Variants in HECW1 observed in about 807,000 individuals in gnomAD.
HECW1 encodes the protein E3 ubiquitin-protein ligase HECW1.
A neutral mutation model predicts 182.3 loss-of-function variants in HECW1; 61 were observed. That is an observed-to-expected ratio of 0.33 (90% CI 0.27 to 0.41). The LOEUF is 0.41. Ranked by LOEUF, HECW1 falls within the 10% of genes least tolerant of loss-of-function variation. HECW1 has a pLI of 1.00. For synonymous variants in HECW1, 859 were observed against 832.6 expected (o/e 1.03, Z -0.55); for missense variants, 1,739 against 2,108.9 (o/e 0.82, Z 3.44).
intron 3 of HECW1, among the ~76,000 whole-genome samples, chr7:43,308,124 AT>A (rs1354520359): frequency 8.6e-5 from 9 of 104,778 alleles, no homozygotes; most frequent in African/African-American, 2.5e-4. Context: ...CATATAATAT[AT>A]TTATATATAA....
In HECW1 at chr7:43,552,267, G is replaced by C; in HGVS notation, c.4441G>C (p.Glu1481Gln). 1.9e-6 allele frequency: 3 copies of C among 1,614,096 alleles called. No individual in the cohort carries two copies. The highest frequency in any genetic ancestry group is 2.5e-6 in the Non-Finnish European group (3 of 1,179,976). The change falls in exon 28 of 30, where the codon GAG (glutamate) becomes CAG (glutamine). Residue 1481 changes from glutamate (E) to glutamine (Q), a missense_variant. This residue lies in a region of HECW1 where 420 missense variants were observed against 595.7 expected (regional missense o/e 0.71). Coordinates refer to ENST00000395891, the MANE Select transcript of HECW1 (RefSeq NM_015052.5). ...LVSVFDAREL[E>Q]LVIAGTAEID... is the part of the protein sequence containing the mutation. ...GTCCGTGTTTGATGCCAGGGAGCTG[G>C]AGCTGGTGATAGCTGGCACCGCGGA... is the stretch of plus-strand genomic sequence containing the variant.
At chr7:43,284,001 C>A (rs1398259122) in intron 3 of HECW1, among the ~76,000 whole-genome samples, 1 of 152,094 alleles carries the variant, frequency 6.6e-6, no homozygotes, top group African/African-American at 2.4e-5. Context: ...GATTCAAGGA[C>A]AAGGGAAGTA....
chr7:43,491,544 A>G (rs2078933888), intron 17 of HECW1, among the ~76,000 whole-genome samples: 1 of 152,218 alleles, frequency 6.6e-6, no homozygotes, highest in Admixed American at 6.5e-5. Context: ...ATTTATGATG[A>G]GAAATGTTTC....
At chr7:43,498,679 C>G (rs941904060) in intron 19 of HECW1, among the ~76,000 whole-genome samples, 1 of 152,062 alleles carries the variant, frequency 6.6e-6, no homozygotes, top group African/African-American at 2.4e-5. Flanking sequence ...CTTTTTCAAC[C>G]CAGTCAAAGA....
intron 2 of HECW1, among the ~76,000 whole-genome samples, chr7:43,195,729 C>T (rs952419875): frequency 6.6e-6 from 1 of 152,164 alleles, no homozygotes; most frequent in Non-Finnish European, 1.5e-5. Context: ...AAATTACATA[C>T]TCAAGAAAAG....
At chr7:43,526,667 G>T (rs17172223) in intron 24 of HECW1, among the ~76,000 whole-genome samples, 1 of 152,026 alleles carries the variant, frequency 6.6e-6, no homozygotes, top group African/African-American at 2.4e-5. Flanking sequence ...AATAATTAAG[G>T]CTTCTAAACC....
At chr7:43,547,392 C>T (rs1390696007) in intron 26 of HECW1, among the ~76,000 whole-genome samples, 1 of 151,572 alleles carries the variant, frequency 6.6e-6, no homozygotes, top group African/African-American at 2.4e-5. Flanking sequence ...ACTAAAAATA[C>T]AAAAATTAAC....
chr7:43,278,919 C>T (rs1167544006), intron 3 of HECW1, among the ~76,000 whole-genome samples: 2 of 152,174 alleles, frequency 1.3e-5, no homozygotes, highest in Admixed American at 1.3e-4. Flanking sequence ...GTAGTCTCCT[C>T]CCCATTAGGA....
chr7:43,268,942 TTTTTCTA>T (rs1242350211), intron 3 of HECW1, among the ~76,000 whole-genome samples: 1 of 152,090 alleles, frequency 6.6e-6, no homozygotes, highest in Non-Finnish European at 1.5e-5. Context: ...CCCTTGCTGA[TTTTTCTA>T]TTTTCTATTT....
At chr7:43,533,212 G>A (rs942076358) in intron 24 of HECW1, among the ~76,000 whole-genome samples, 1 of 152,068 alleles carries the variant, frequency 6.6e-6, no homozygotes, top group Non-Finnish European at 1.5e-5. Flanking sequence ...ACAGTGCTGA[G>A]GCTGAGGAAC....
intron 19 of HECW1, among the ~76,000 whole-genome samples, chr7:43,495,691 C>G (rs1387483340): frequency 6.6e-6 from 1 of 152,180 alleles, no homozygotes; most frequent in East Asian, 1.9e-4. Context: ...ATGTTCAACT[C>G]TTAAGAATTC....
chr7:43,211,369 C>G (rs1425039594), intron 2 of HECW1, among the ~76,000 whole-genome samples: 2 of 152,198 alleles, frequency 1.3e-5, no homozygotes, highest in Non-Finnish European at 2.9e-5. Flanking sequence ...CCTTTCTCCT[C>G]CGTGAATGAA....
chr7:43,545,090 C>T (rs909859491), intron 26 of HECW1, among the ~76,000 whole-genome samples: 1 of 152,062 alleles, frequency 6.6e-6, no homozygotes, highest in Non-Finnish European at 1.5e-5. Flanking sequence ...ATAGCAAGAC[C>T]CCATCTCTAA....
intron 2 of HECW1, among the ~76,000 whole-genome samples, chr7:43,206,580 C>T (rs1267680286): frequency 1.3e-5 from 2 of 152,164 alleles, no homozygotes; most frequent in Non-Finnish European, 2.9e-5. Flanking sequence ...AACACTGAAG[C>T]TCATTAATCT....
At chr7:43,352,011 C>T (rs1814539600) in intron 5 of HECW1, among the ~76,000 whole-genome samples, 1 of 152,238 alleles carries the variant, frequency 6.6e-6, no homozygotes, top group African/African-American at 2.4e-5. Context: ...TAAGTTTTAT[C>T]CCCTTAACCC....
chr7:43,537,122 T>C (rs2081205934), intron 24 of HECW1, among the ~76,000 whole-genome samples: 1 of 152,044 alleles, frequency 6.6e-6, no homozygotes, highest in South Asian at 2.1e-4. Flanking sequence ...CGGTCGAGAC[T>C]CCTGAGATCC....
chr7:43,358,818 C>CTTTTT (rs572118397), intron 5 of HECW1, among the ~76,000 whole-genome samples: 7 of 93,454 alleles, frequency 7.5e-5, no homozygotes, highest in African/African-American at 1.2e-4. Context: ...AAAATATATT[C>CTTTTT]TTTTTTTTTT....
intron 13 of HECW1, among the ~76,000 whole-genome samples, chr7:43,460,745 C>G (rs1334887821): frequency 1.3e-5 from 2 of 152,158 alleles, no homozygotes; most frequent in Non-Finnish European, 2.9e-5. Flanking sequence ...AGCTCGGGAG[C>G]CTCTGAGGCT....
intron 3 of HECW1, among the ~76,000 whole-genome samples, chr7:43,276,476 T>C (rs757102064): frequency 1.3e-5 from 2 of 152,190 alleles, no homozygotes; most frequent in African/African-American, 4.8e-5. Context: ...AAGATACTGG[T>C]CAAAATAAAA....
Sources: gnomAD v4.1 joint callset for allele counts (sites outside exome capture counted in the v4.1 genomes callset) on GRCh38, gnomAD v4.1.1 for gene constraint, gnomAD v4.1.1 regional missense constraint, MANE v1.5 for transcripts, NCBI Gene and HGNC (gene_info 2026-07-23, HGNC 2026-07-21) for gene names.